MYLK: variants seen among roughly 807,000 people sequenced by gnomAD.
MYLK encodes myosin light chain kinase, smooth muscle.
A neutral mutation model predicts 203.4 loss-of-function variants in MYLK; 106 were observed. The observed-to-expected ratio is 0.52, with a 90% CI of 0.45 to 0.61. The LOEUF is 0.61. Among genes scored for constraint, MYLK ranks in the 20% least tolerant of loss-of-function variants. The pLI is 0.00. For missense variants in MYLK, 2,072 were observed against 2,442.3 expected, an observed-to-expected ratio of 0.85 and a Z score of 3.20; for synonymous variants, 867 against 959.5, an observed-to-expected ratio of 0.90 and a Z score of 1.78.
chr3:123,776,905 T>C (rs2064098456), intron 4 of MYLK, among the ~76,000 whole-genome samples: 1 of 152,208 alleles, frequency 6.6e-6, no homozygotes, highest in South Asian at 2.1e-4. Context: ...CCCCTGTAGA[T>C]CCTGTAGTTA....
intron 19 of MYLK, among the ~76,000 whole-genome samples, chr3:123,685,069 A>C (rs572430483): frequency 6.6e-6 from 1 of 152,234 alleles, no homozygotes; most frequent in African/African-American, 2.4e-5. Flanking sequence ...TTTCGTCCTC[A>C]TGGGGTTGTG....
chr3:123,719,693 G>A (rs1054558122), intron 13 of MYLK, among the ~76,000 whole-genome samples: 4 of 152,216 alleles, frequency 2.6e-5, no homozygotes, highest in African/African-American at 7.2e-5. Flanking sequence ...CACCCAGGCC[G>A]CTGGCTCCAC....
chr3:123,882,771 T>G (rs1454851767), intron 1 of MYLK, among the ~76,000 whole-genome samples: 2 of 149,924 alleles, frequency 1.3e-5, no homozygotes, highest in Admixed American at 6.6e-5. Context: ...CCACTGAGAG[T>G]GGGAGAAAAA....
chr3:123,663,170 C>T (rs548175910), intron 23 of MYLK, among the ~76,000 whole-genome samples: 4 of 152,250 alleles, frequency 2.6e-5, no homozygotes, highest in South Asian at 2.1e-4. Context: ...ATGACAACAG[C>T]GGGAGACTGG....
At chr3:123,666,627 T>C (rs184809269) in intron 21 of MYLK, among the ~76,000 whole-genome samples, 2 of 152,228 alleles carry the variant, frequency 1.3e-5, no homozygotes, top group Non-Finnish European at 2.9e-5. Context: ...CTTACCCTAA[T>C]TTTTTGAATT....
chr3:123,803,845 A>G (rs950278527), intron 3 of MYLK, among the ~76,000 whole-genome samples: 2 of 152,222 alleles, frequency 1.3e-5, no homozygotes, highest in African/African-American at 2.4e-5. Context: ...ACACCTGTGC[A>G]GTGATTCTAG....
intron 2 of MYLK, among the ~76,000 whole-genome samples, chr3:123,843,150 G>A (rs2066633709): frequency 6.6e-6 from 1 of 152,210 alleles, no homozygotes; most frequent in African/African-American, 2.4e-5. Context: ...TCAAGTCTCA[G>A]CAGTCCATGG....
intron 4 of MYLK, among the ~76,000 whole-genome samples, chr3:123,754,583 T>G (rs1195874289): frequency 6.6e-6 from 1 of 152,098 alleles, no homozygotes; most frequent in Non-Finnish European, 1.5e-5. Context: ...AGGCTGACAG[T>G]GTTGAAGGAG....
intron 1 of MYLK, among the ~76,000 whole-genome samples, chr3:123,883,275 G>T (rs1455282030): frequency 6.6e-6 from 1 of 152,030 alleles, no homozygotes; most frequent in Non-Finnish European, 1.5e-5. Context: ...AAAACCAACG[G>T]CCTGAGGTCT....
chr3:123,870,934 C>T (rs2032740155), intron 2 of MYLK, among the ~76,000 whole-genome samples: 1 of 152,194 alleles, frequency 6.6e-6, no homozygotes, highest in Non-Finnish European at 1.5e-5. Context: ...ACTCCAACTC[C>T]CTTTCCTCTC....
At chr3:123,813,911 A>C (rs2065650806) in intron 3 of MYLK, among the ~76,000 whole-genome samples, 1 of 152,208 alleles carries the variant, frequency 6.6e-6, no homozygotes, top group Non-Finnish European at 1.5e-5. Flanking sequence ...TGACCACATA[A>C]CATATTATCC....
At chr3:123,848,115 G>A (rs1447253494) in intron 2 of MYLK, among the ~76,000 whole-genome samples, 1 of 151,738 alleles carries the variant, frequency 6.6e-6, no homozygotes, top group Non-Finnish European at 1.5e-5. Context: ...TATTTGCCCA[G>A]AAAGTTACCC....
At chr3:123,711,989 G>A (rs1034607848) in intron 13 of MYLK, among the ~76,000 whole-genome samples, 1 of 152,214 alleles carries the variant, frequency 6.6e-6, no homozygotes, top group Non-Finnish European at 1.5e-5. Context: ...GATGGGGAGA[G>A]GCTGGGAAGG....
chr3:123,858,120 T>G lies in MYLK; in HGVS notation c.-127+18439A>C, dbSNP rs1038536203. ...GCTGCTGCTCCTGCTACAGAGGCTCTTGGGAGCTATCTGCTTGTCATGCTT... is the reference window on the plus strand; with the variant it reads ...GCTGCTGCTCCTGCTACAGAGGCTCGTGGGAGCTATCTGCTTGTCATGCTT... On this transcript the variant is annotated intron_variant, in intron 2 of 33. Coordinates refer to ENST00000360304, the MANE Select transcript of MYLK (RefSeq NM_053025.4). 2.6e-5 allele frequency among the ~76,000 whole-genome samples: 4 copies of G among 152,306 alleles called. No homozygotes were observed. The South Asian group carries it at 8.3e-4, about 32-fold the overall frequency.
chr3:123,626,683 A>C (rs538431724), intron 31 of MYLK, 135 bp downstream of exon 31: 1 of 1,281,888 alleles, frequency 7.8e-7, no homozygotes, highest in East Asian at 2.4e-5. Flanking sequence ...TCAGCTGCCT[A>C]AATTGGTCCC....
At chr3:123,800,495 A>G (rs1184617561) in intron 3 of MYLK, among the ~76,000 whole-genome samples, 1 of 152,066 alleles carries the variant, frequency 6.6e-6, no homozygotes, top group Non-Finnish European at 1.5e-5. Flanking sequence ...TCTCATAAGG[A>G]ACTGCACTGA....
chr3:123,693,216 A>G (rs966083786), intron 18 of MYLK, among the ~76,000 whole-genome samples: 29 of 152,320 alleles, frequency 1.9e-4, no homozygotes, highest in African/African-American at 6.5e-4. Context: ...GACGTCACCA[A>G]GAGAGAAAAG....
chr3:123,618,888 G>C (rs746075881), intron 32 of MYLK, 118 bp from the exon 33 acceptor site: 26 of 1,363,416 alleles, frequency 1.9e-5, no homozygotes, highest in Non-Finnish European at 2.5e-5. Context: ...AGGCAGCTTT[G>C]AGAACTGAAT....
At position 123,884,037 on chromosome 3, in the gene MYLK, T is replaced by C. The variant is rs186697268; in HGVS notation, c.-186+169A>G. 4.8e-3 allele frequency among the ~76,000 whole-genome samples: 722 copies of C among 151,940 alleles called. 5 individuals are homozygous for C. The highest frequency in any genetic ancestry group is 0.015 in the African/African-American group (636 of 41,442). On this transcript the variant is annotated intron_variant, in intron 1 of 33. Coordinates refer to ENST00000360304, the MANE Select transcript of MYLK (RefSeq NM_053025.4). ...CTCGTGCAGCCTGGCGTCACTGGGG[T>C]CGTCTCCTTACGCCCCTGACTCCTC...
Sources: allele counts gnomAD v4.1 joint callset (sites outside exome capture counted in the v4.1 genomes callset), GRCh38; gene constraint gnomAD v4.1.1; transcripts MANE v1.5; gene names NCBI Gene and HGNC (gene_info 2026-07-23, HGNC 2026-07-21).